The following IL33 variants were observed in gnomAD, a reference collection of about 807,000 sequenced individuals.
IL33 encodes the protein interleukin 33, also known as interleukin-33.
Under a neutral mutation model 27.3 loss-of-function variants are expected in IL33, and 37 were observed. That is an observed-to-expected ratio of 1.36 (90% CI 1.04 to 1.78). The LOEUF (loss-of-function observed/expected upper bound fraction) is 1.78, where lower values mean the gene tolerates loss of function less well. Ranked by LOEUF, IL33 falls within the 40% of genes most tolerant of loss-of-function variation. The pLI, the probability that IL33 is intolerant of heterozygous loss-of-function variation, is 0.00. For missense variants in IL33, 406 were observed against 311.4 expected (o/e 1.30, Z -2.29); for synonymous variants, 132 against 102.9 (o/e 1.28, Z -1.71).
intron 1 of IL33, among the ~76,000 whole-genome samples, chr9:6,237,438 T>C (rs200438832): frequency 1.8e-3 from 272 of 152,360 alleles, no homozygotes; most frequent in South Asian, 3.7e-3. Context: ...TCTGTGTCAA[T>C]GACTCCATTG....
chr9:6,252,804 C>G (rs200600510), intron 4 of IL33, 62 bp from the exon 5 acceptor site: 3 of 1,580,392 alleles, frequency 1.9e-6, no homozygotes, highest in South Asian at 2.4e-5. Context: ...TTTGAGGGAG[C>G]ATTTTTTAAA....
chr9:6,229,255 T>TA (rs1195575305), intron 1 of IL33, among the ~76,000 whole-genome samples: 1 of 152,162 alleles, frequency 6.6e-6, no homozygotes, highest in Non-Finnish European at 1.5e-5. Flanking sequence ...ATCCTAGGTC[T>TA]AAGCTTGGGA....
chr9:6,232,977 T>C (rs902597803), intron 1 of IL33, among the ~76,000 whole-genome samples: 1 of 152,218 alleles, frequency 6.6e-6, no homozygotes, highest in Non-Finnish European at 1.5e-5. Context: ...AAATTCCTTT[T>C]TGAACCATTT....
At chr9:6,216,500 C>T (rs1044482574) in intron 1 of IL33, among the ~76,000 whole-genome samples, 3 of 152,034 alleles carry the variant, frequency 2.0e-5, no homozygotes, top group Admixed American at 6.6e-5. Flanking sequence ...TTTGGGAGGC[C>T]GAGGTGGGTG....
chr9:6,221,459 G>T (rs957013461), intron 1 of IL33, among the ~76,000 whole-genome samples: 1 of 152,176 alleles, frequency 6.6e-6, no homozygotes, highest in African/African-American at 2.4e-5. Context: ...AAGAATTTCT[G>T]CTCAGTGCTA....
At chr9:6,253,060 A>C in intron 5 of IL33, 69 bp downstream of exon 5, 1 of 1,083,224 alleles carries the variant, frequency 9.2e-7, no homozygotes, top group Non-Finnish European at 1.3e-6. Context: ...TAATAAATCT[A>C]CCAAACTTTA....
intron 4 of IL33, among the ~76,000 whole-genome samples, chr9:6,252,035 G>GAAAAAAAAAAAAAAAAAAAAA (rs1285022798): frequency 5.5e-5 from 2 of 36,326 alleles, no homozygotes; most frequent in Non-Finnish European, 5.3e-5. Flanking sequence ...GGCTGTCTCA[G>GAAAAAAAAAAAAAAAAAAAAA]AAAAAAAACA....
intron 1 of IL33, among the ~76,000 whole-genome samples, chr9:6,237,053 A>C (rs992691441): frequency 2.6e-5 from 4 of 152,164 alleles, no homozygotes; most frequent in African/African-American, 9.7e-5. Context: ...GTGTGTCTAT[A>C]TAAGTAGAAC....
chr9:6,221,652 G>C (rs930623315), intron 1 of IL33, among the ~76,000 whole-genome samples: 3 of 152,164 alleles, frequency 2.0e-5, no homozygotes, highest in African/African-American at 7.2e-5. Context: ...GCTGGTAAAA[G>C]AGCATCTGGG....
intron 1 of IL33, among the ~76,000 whole-genome samples, chr9:6,218,196 G>T (rs971312492): frequency 6.6e-6 from 1 of 152,146 alleles, no homozygotes; most frequent in African/African-American, 2.4e-5. Flanking sequence ...ATTCTTCTCT[G>T]AAAGGATCCT....
intron 2 of IL33, 131 bp from the exon 3 acceptor site, chr9:6,250,343 C>G: frequency 9.3e-7 from 1 of 1,071,012 alleles, no homozygotes; most frequent in Admixed American, 2.6e-5. Flanking sequence ...TTTTGAAACA[C>G]AGCTGAGTTA....
intron 7 of IL33, among the ~76,000 whole-genome samples, chr9:6,255,424 T>C (rs1420354991): frequency 1.3e-5 from 2 of 152,126 alleles, no homozygotes; most frequent in African/African-American, 2.4e-5. Context: ...CTCTATTATA[T>C]AGCAAGCACT....
intron 2 of IL33, among the ~76,000 whole-genome samples, chr9:6,247,962 T>C (rs1819962104): frequency 6.6e-6 from 1 of 152,042 alleles, no homozygotes; most frequent in African/African-American, 2.4e-5. Flanking sequence ...TCCTCAGTAT[T>C]GTGACCCTCA....
chr9:6,231,243 A>C (rs1818913974), intron 1 of IL33, among the ~76,000 whole-genome samples: 1 of 152,124 alleles, frequency 6.6e-6, no homozygotes, highest in South Asian at 2.1e-4. Context: ...TTCTCAATGC[A>C]CTCTGAATGA....
At chr9:6,234,923 G>A (rs1433286450) in intron 1 of IL33, among the ~76,000 whole-genome samples, 1 of 152,150 alleles carries the variant, frequency 6.6e-6, no homozygotes, top group Non-Finnish European at 1.5e-5. Flanking sequence ...ATAGTCCTCT[G>A]CATACTGGTC....
At chr9:6,244,502 C>CA (rs1002879489) in intron 2 of IL33, among the ~76,000 whole-genome samples, 3 of 151,988 alleles carry the variant, frequency 2.0e-5, no homozygotes, top group Non-Finnish European at 4.4e-5. Context: ...CAATAACCAA[C>CA]AAAAAAGTGG....
Position 6,256,049 on chromosome 9 carries a change from T to C in IL33, c.694T>C (p.Cys232Arg), listed in dbSNP as rs2130482868. The C allele has an allele frequency of 1.2e-6, 2 of 1,613,634 alleles. No individual in the cohort carries two copies. Among genetic ancestry groups the C allele is most frequent in the East Asian group, 4.5e-5 (2 of 44,872 alleles). ...GCACTCCAACTGTGTTTCATTTGAA[T>C]GCAAGACTGATCCTGGAGTGTTTAT... ...NMHSNCVSFE[C>R]KTDPGVFIGV... The change falls in exon 8 of 8, where the codon TGC becomes CGC. Residue 232 changes from cysteine to arginine, a missense_variant. Cys to Arg is a radical substitution (Grantham distance 180, BLOSUM62 -3). Coordinates refer to ENST00000682010, the MANE Select transcript of IL33 (RefSeq NM_033439.4).
At chr9:6,220,345 T>G (rs1222991668) in intron 1 of IL33, among the ~76,000 whole-genome samples, 1 of 152,226 alleles carries the variant, frequency 6.6e-6, no homozygotes, top group Admixed American at 6.5e-5. Context: ...GTTTTGCTCA[T>G]TATTTCCGAC....
At chr9:6,222,592 CT>C (rs1818458356) in intron 1 of IL33, among the ~76,000 whole-genome samples, 2 of 152,150 alleles carry the variant, frequency 1.3e-5, no homozygotes, top group African/African-American at 4.8e-5. Flanking sequence ...GAAAAAAAGC[CT>C]GCAAAAGTTA....
Sources: gnomAD v4.1 joint callset for allele counts (sites outside exome capture counted in the v4.1 genomes callset) on GRCh38, gnomAD v4.1.1 for gene constraint, MANE v1.5 for transcripts, NCBI Gene and HGNC (gene_info 2026-07-23, HGNC 2026-07-21) for gene names.